Variants in ALK observed in about 807,000 individuals in gnomAD.
ALK encodes ALK receptor tyrosine kinase, also known as ALK tyrosine kinase receptor.
Under a neutral mutation model 163.1 loss-of-function variants are expected in ALK, and 74 were observed. The ratio of observed to expected loss-of-function variants is 0.45; its 90% CI spans 0.38 to 0.55. The LOEUF (loss-of-function observed/expected upper bound fraction) is 0.55, where lower values mean the gene tolerates loss of function less well. Among genes scored for constraint, ALK ranks in the 20% least tolerant of loss-of-function variants. The pLI, the probability that ALK is intolerant of heterozygous loss-of-function variation, is 0.00. For synonymous variants in ALK, 960 were observed against 843.2 expected (o/e 1.14, Z -2.40); for missense variants, 2,063 against 2,105.3 (o/e 0.98, Z 0.39).
chr2:29,728,569 C>T (rs1051650118), intron 1 of ALK, among the ~76,000 whole-genome samples: 11 of 152,146 alleles, frequency 7.2e-5, no homozygotes, highest in African/African-American at 2.4e-4. Flanking sequence ...CCTATGAGAA[C>T]GTATGATGAG....
intron 13 of ALK, among the ~76,000 whole-genome samples, chr2:29,238,049 G>T (rs1022887543): frequency 2.0e-5 from 3 of 152,158 alleles, no homozygotes; most frequent in Non-Finnish European, 1.5e-5. Context: ...TGTGTTTGGG[G>T]GTGGGGTGGA....
intron 1 of ALK, among the ~76,000 whole-genome samples, chr2:29,882,203 C>G: frequency 6.6e-6 from 1 of 152,162 alleles, no homozygotes; most frequent in East Asian, 1.9e-4. Flanking sequence ...TGAAGCAGAA[C>G]AACTTCTAGA....
At chr2:29,413,937 T>C (rs1170095182) in intron 4 of ALK, among the ~76,000 whole-genome samples, 2 of 152,204 alleles carry the variant, frequency 1.3e-5, no homozygotes, top group African/African-American at 4.8e-5. Context: ...AGTGCTGGGA[T>C]TACAGGCGTG....
intron 3 of ALK, among the ~76,000 whole-genome samples, chr2:29,600,986 A>G (rs2148214315): frequency 6.6e-6 from 1 of 152,314 alleles, no homozygotes; most frequent in East Asian, 1.9e-4. Context: ...CACCAACTAC[A>G]CTGGGTTAAA....
chr2:29,755,607 C>T (rs545129809), intron 1 of ALK, among the ~76,000 whole-genome samples: 13 of 152,298 alleles, frequency 8.5e-5, no homozygotes, highest in Middle Eastern at 3.4e-3. Flanking sequence ...CTCACCATTC[C>T]GGGGTCCCCT....
At chr2:29,283,550 G>A (rs1284849636) in intron 9 of ALK, among the ~76,000 whole-genome samples, 6 of 152,180 alleles carry the variant, frequency 3.9e-5, no homozygotes, top group South Asian at 4.2e-4. Context: ...CTCTCTTCTC[G>A]CCTGACCAAA....
intron 1 of ALK, among the ~76,000 whole-genome samples, chr2:29,882,046 C>G (rs908359302): frequency 6.6e-6 from 1 of 152,142 alleles, no homozygotes; most frequent in Non-Finnish European, 1.5e-5. Context: ...TCACAGTCCC[C>G]CCACCCAATT....
chr2:29,334,619 C>T (rs1412020389), intron 5 of ALK, among the ~76,000 whole-genome samples: 10 of 152,302 alleles, frequency 6.6e-5, no homozygotes, highest in African/African-American at 1.7e-4. Context: ...CTCTCTGATG[C>T]CCTGGATTTT....
chr2:29,571,838 A>C (rs1245549086), intron 3 of ALK, among the ~76,000 whole-genome samples: 2 of 151,590 alleles, frequency 1.3e-5, no homozygotes, highest in Non-Finnish European at 2.9e-5. Context: ...CTGGTCTCGA[A>C]CTCCTGACCT....
chr2:29,400,516 G>T (rs1018536330), intron 4 of ALK, among the ~76,000 whole-genome samples: 3 of 152,160 alleles, frequency 2.0e-5, no homozygotes, highest in Non-Finnish European at 4.4e-5. Context: ...TACCAAGGCT[G>T]GGGAGTCTCA....
chr2:29,603,195 T>C (rs1185773427), intron 3 of ALK, among the ~76,000 whole-genome samples: 1 of 152,122 alleles, frequency 6.6e-6, no homozygotes, highest in Non-Finnish European at 1.5e-5. Context: ...ATAGAAGCAA[T>C]AGATCGCAAA....
intron 1 of ALK, among the ~76,000 whole-genome samples, chr2:29,908,591 C>A (rs1572491247): frequency 6.6e-6 from 1 of 152,362 alleles, no homozygotes; most frequent in Non-Finnish European, 1.5e-5. Flanking sequence ...GACTCCCTGC[C>A]AAAAGGCAAT....
chr2:29,461,569 C>T (rs567275877), intron 4 of ALK, among the ~76,000 whole-genome samples: 74 of 152,224 alleles, frequency 4.9e-4, no homozygotes, highest in African/African-American at 1.7e-3. Flanking sequence ...AATGTAACAA[C>T]GAAGTCTGGA....
At chr2:29,869,109 C>T (rs970070957) in intron 1 of ALK, among the ~76,000 whole-genome samples, 7 of 152,180 alleles carry the variant, frequency 4.6e-5, no homozygotes, top group South Asian at 4.1e-4. Flanking sequence ...CTCTGTGGAA[C>T]AGAAACAAGA....
chr2:29,294,247 C>T (rs1666118553), intron 9 of ALK, among the ~76,000 whole-genome samples: 1 of 152,214 alleles, frequency 6.6e-6, no homozygotes, highest in South Asian at 2.1e-4. Context: ...GCAGCTATAG[C>T]TGACTCTCCC....
chr2:29,624,518 G>A (rs1227242091), intron 3 of ALK, among the ~76,000 whole-genome samples: 2 of 152,138 alleles, frequency 1.3e-5, no homozygotes, highest in African/African-American at 2.4e-5. Context: ...CTGTTCCAAT[G>A]GAGCAAGGTA....
chr2:29,715,313 C>T (rs72851919), intron 2 of ALK, among the ~76,000 whole-genome samples: 13,241 of 152,238 alleles, frequency 0.087, 1,498 homozygotes, highest in African/African-American at 0.26. Flanking sequence ...TGGGCAGTAA[C>T]TGCCAATGGT....
At chr2:29,882,719 G>T (rs1666898500) in intron 1 of ALK, among the ~76,000 whole-genome samples, 1 of 152,120 alleles carries the variant, frequency 6.6e-6, no homozygotes, top group Non-Finnish European at 1.5e-5. Context: ...TACCAAGGAG[G>T]CATCACTTCA....
chr2:29,286,915 GACAC>G (rs2148223458), intron 9 of ALK: 1 of 150,158 alleles, frequency 6.7e-6, no homozygotes, highest in South Asian at 2.1e-4. Context: ...CTTAGTCTGT[GACAC>G]ACCATCTCAT....
Sources: allele counts gnomAD v4.1 joint callset (sites outside exome capture counted in the v4.1 genomes callset), GRCh38; gene constraint gnomAD v4.1.1; transcripts MANE v1.5; gene names NCBI Gene and HGNC (gene_info 2026-07-23, HGNC 2026-07-21).